The following GRIN2A variants were observed in gnomAD, a reference collection of about 807,000 sequenced individuals.
GRIN2A encodes glutamate receptor ionotropic, NMDA 2A.
Under a neutral mutation model 113.4 loss-of-function variants are expected in GRIN2A, and 22 were observed. The observed-to-expected ratio is 0.19, with a 90% CI of 0.14 to 0.28. GRIN2A has a LOEUF of 0.28. GRIN2A is among the 10% of genes least tolerant of loss of function. GRIN2A has a pLI of 1.00. For synonymous variants in GRIN2A, 827 were observed against 738.4 expected (o/e 1.12, Z -1.94); for missense variants, 1,502 against 1,887.0 (o/e 0.80, Z 3.78).
intron 2 of GRIN2A, among the ~76,000 whole-genome samples, chr16:9,960,186 G>C (rs912365368): frequency 6.6e-6 from 1 of 152,152 alleles, no homozygotes; most frequent in Non-Finnish European, 1.5e-5. Flanking sequence ...CCCATAGTAG[G>C]TAATTCATAA....
At chr16:10,093,218 T>C (rs1045879476) in intron 2 of GRIN2A, among the ~76,000 whole-genome samples, 3 of 152,212 alleles carry the variant, frequency 2.0e-5, no homozygotes, top group African/African-American at 4.8e-5. Flanking sequence ...AGGGTCCGTA[T>C]GTCATAATAA....
intron 2 of GRIN2A, among the ~76,000 whole-genome samples, chr16:10,012,206 C>A (rs1270909790): frequency 2.0e-5 from 3 of 152,118 alleles, no homozygotes; most frequent in Non-Finnish European, 2.9e-5. Context: ...CTTACATATT[C>A]TTTAATCCTG....
intron 2 of GRIN2A, among the ~76,000 whole-genome samples, chr16:10,105,821 G>C (rs1305967580): frequency 2.0e-5 from 3 of 152,120 alleles, no homozygotes; most frequent in African/African-American, 7.2e-5. Context: ...GCAGGAGAAT[G>C]GCTTGAACCC....
chr16:10,100,802 C>T (rs1445082066), intron 2 of GRIN2A, among the ~76,000 whole-genome samples: 1 of 152,184 alleles, frequency 6.6e-6, no homozygotes, highest in Non-Finnish European at 1.5e-5. Context: ...GTGGAGAAAA[C>T]TGATTTGAAT....
At chr16:10,021,936 C>T (rs936330245) in intron 2 of GRIN2A, among the ~76,000 whole-genome samples, 3 of 152,236 alleles carry the variant, frequency 2.0e-5, no homozygotes, top group East Asian at 1.9e-4. Flanking sequence ...TTGGGCAAGT[C>T]GCTTCACCTC....
intron 3 of GRIN2A, among the ~76,000 whole-genome samples, chr16:9,895,874 C>T (rs780835702): frequency 4.6e-5 from 7 of 152,044 alleles, no homozygotes; most frequent in Non-Finnish European, 8.8e-5. Context: ...CTACCTAGCG[C>T]CCCAAATGTG....
chr16:9,779,438 C>G (rs922627623), intron 11 of GRIN2A, among the ~76,000 whole-genome samples: 26 of 152,062 alleles, frequency 1.7e-4, no homozygotes, highest in Non-Finnish European at 1.5e-4. Flanking sequence ...ATCTGTATTC[C>G]CCATTGCTTA....
chr16:10,133,100 G>A (rs188996833), intron 2 of GRIN2A, among the ~76,000 whole-genome samples: 2 of 152,250 alleles, frequency 1.3e-5, no homozygotes, highest in East Asian at 3.9e-4. Context: ...AATTTTGGAT[G>A]AGGCTCTCAT....
chr16:9,922,649 T>C (rs914394412), intron 3 of GRIN2A, among the ~76,000 whole-genome samples: 8 of 152,236 alleles, frequency 5.3e-5, no homozygotes, highest in Admixed American at 3.9e-4. Flanking sequence ...TAACTGAAGA[T>C]GGACCGCATG....
At chr16:9,778,077 A>T (rs1249311836) in intron 11 of GRIN2A, among the ~76,000 whole-genome samples, 1 of 152,148 alleles carries the variant, frequency 6.6e-6, no homozygotes, top group Non-Finnish European at 1.5e-5. Flanking sequence ...AACAACAACA[A>T]CAAAAAACCC....
At chr16:10,047,772 T>C (rs1204760094) in intron 2 of GRIN2A, among the ~76,000 whole-genome samples, 3 of 152,212 alleles carry the variant, frequency 2.0e-5, no homozygotes, top group Non-Finnish European at 4.4e-5. Context: ...CTTTGAAAGA[T>C]GACTAATGGG....
intron 2 of GRIN2A, among the ~76,000 whole-genome samples, chr16:10,046,045 G>C (rs1386110074): frequency 3.9e-5 from 6 of 152,172 alleles, no homozygotes; most frequent in African/African-American, 1.4e-4. Context: ...CCTTCGGGGA[G>C]GGAAAGACAA....
At chr16:10,010,942 G>T (rs2046493519) in intron 2 of GRIN2A, among the ~76,000 whole-genome samples, 2 of 152,294 alleles carry the variant, frequency 1.3e-5, no homozygotes, top group Non-Finnish European at 2.9e-5. Context: ...GGAACATGGT[G>T]TCCCCATGTG....
intron 2 of GRIN2A, among the ~76,000 whole-genome samples, chr16:9,981,694 G>A (rs912722907): frequency 6.6e-6 from 1 of 152,120 alleles, no homozygotes; most frequent in African/African-American, 2.4e-5. Context: ...TCTGGTCTGT[G>A]TTCATATTTC....
chr16:9,934,606 G>A (rs1284572162), intron 3 of GRIN2A, among the ~76,000 whole-genome samples: 1 of 146,896 alleles, frequency 6.8e-6, no homozygotes, highest in Non-Finnish European at 1.5e-5. Flanking sequence ...GCTTAATCCA[G>A]GAGGCAGAGG....
At chr16:10,128,243 A>G (rs1429652551) in intron 2 of GRIN2A, among the ~76,000 whole-genome samples, 1 of 152,182 alleles carries the variant, frequency 6.6e-6, no homozygotes, top group Admixed American at 6.5e-5. Flanking sequence ...TCCTTCAGCT[A>G]TAACAAGCCA....
chr16:9,939,048 A>C (rs1466281731), intron 2 of GRIN2A, among the ~76,000 whole-genome samples: 1 of 152,154 alleles, frequency 6.6e-6, no homozygotes, highest in Non-Finnish European at 1.5e-5. Flanking sequence ...TCATTTAAGG[A>C]GTTTGAGTAG....
intron 12 of GRIN2A, among the ~76,000 whole-genome samples, chr16:9,766,760 C>A (rs1387663717): frequency 6.6e-6 from 1 of 152,088 alleles, no homozygotes. Context: ...TCAAATCAAT[C>A]AATCAATCAA....
intron 11 of GRIN2A, among the ~76,000 whole-genome samples, chr16:9,773,160 G>A (rs530629721): frequency 1.1e-4 from 17 of 152,184 alleles, no homozygotes; most frequent in Non-Finnish European, 1.9e-4. Context: ...CCTGCAGCAC[G>A]TAGTGAGCAT....
Sources: gnomAD v4.1 joint callset for allele counts (sites outside exome capture counted in the v4.1 genomes callset) on GRCh38, gnomAD v4.1.1 for gene constraint, MANE v1.5 for transcripts, NCBI Gene and HGNC (gene_info 2026-07-23, HGNC 2026-07-21) for gene names.